Variants in ASIC2 observed in about 807,000 individuals in gnomAD.
The protein encoded by ASIC2 is acid sensing ion channel subunit 2, also known as acid-sensing ion channel 2.
ASIC2 carries 25 observed loss-of-function variants against 57.3 expected under a neutral mutation model. The ratio of observed to expected loss-of-function variants is 0.44; its 90% CI spans 0.32 to 0.61. The LOEUF (loss-of-function observed/expected upper bound fraction) is 0.61, where lower values mean the gene tolerates loss of function less well. Ranked by LOEUF, ASIC2 falls within the 20% of genes least tolerant of loss-of-function variation. The probability of loss-of-function intolerance (pLI) is 0.06; values close to 1 mark genes in which losing one functional copy is unlikely to be tolerated. For missense variants in ASIC2, 641 were observed against 738.1 expected, an observed-to-expected ratio of 0.87 and a Z score of 1.52; for synonymous variants, 319 against 307.5, an observed-to-expected ratio of 1.04 and a Z score of -0.39.
At chr17:33,396,761 A>C (rs1437693148) in intron 1 of ASIC2, among the ~76,000 whole-genome samples, 1 of 152,170 alleles carries the variant, frequency 6.6e-6, no homozygotes, top group Non-Finnish European at 1.5e-5. Flanking sequence ...TATAATCCTG[A>C]AAATATATCA....
chr17:33,579,700 G>A (rs185325700), intron 1 of ASIC2, among the ~76,000 whole-genome samples: 4 of 152,254 alleles, frequency 2.6e-5, no homozygotes, highest in Admixed American at 1.3e-4. Flanking sequence ...ACAGACCTTC[G>A]CAGCCAGCGT....
At chr17:33,650,420 A>G (rs1906882024) in intron 1 of ASIC2, among the ~76,000 whole-genome samples, 1 of 152,202 alleles carries the variant, frequency 6.6e-6, no homozygotes, top group Admixed American at 6.5e-5. Flanking sequence ...GAAAGTTGCA[A>G]TTTCTTAAAA....
intron 1 of ASIC2, chr17:34,155,465 C>G (rs372780227): frequency 1.2e-5 from 2 of 161,306 alleles, no homozygotes; most frequent in Admixed American, 6.2e-5. Flanking sequence ...CCAAAGCCAC[C>G]GGAGCCAGCC....
chr17:33,522,930 C>T (rs1914785324), intron 1 of ASIC2, among the ~76,000 whole-genome samples: 1 of 152,084 alleles, frequency 6.6e-6, no homozygotes, highest in African/African-American at 2.4e-5. Flanking sequence ...CCTGGCTCCC[C>T]CTACCCCACC....
chr17:33,296,636 T>C (rs933250761), upstream of ASIC2, among the ~76,000 whole-genome samples: 6 of 152,236 alleles, frequency 3.9e-5, no homozygotes, highest in Admixed American at 3.3e-4. Context: ...AGGAAAGTCT[T>C]CTGGCCAGCC....
chr17:33,585,240 G>GGCCACGAGCCAGGCAA (rs1904585186), intron 1 of ASIC2, among the ~76,000 whole-genome samples: 2 of 152,236 alleles, frequency 1.3e-5, no homozygotes, highest in Non-Finnish European at 2.9e-5. Context: ...GAGCCAGGCA[G>GGCCACGAGCCAGGCAA]GCCACGTGGC....
intron 1 of ASIC2, among the ~76,000 whole-genome samples, chr17:33,613,688 A>T (rs1170739751): frequency 1.3e-5 from 2 of 152,132 alleles, no homozygotes; most frequent in African/African-American, 4.8e-5. Context: ...TCTTATACAC[A>T]TACGGAAATG....
At chr17:33,097,104 GC>G (rs772912516) in intron 2 of ASIC2, among the ~76,000 whole-genome samples, 14 of 152,190 alleles carry the variant, frequency 9.2e-5, no homozygotes, top group Non-Finnish European at 1.8e-4. Context: ...TGTGCTTTTT[GC>G]CCCCTGCCAT....
chr17:33,131,367 C>T (rs1407218259), intron 1 of ASIC2, among the ~76,000 whole-genome samples: 1 of 152,290 alleles, frequency 6.6e-6, no homozygotes, highest in African/African-American at 2.4e-5. Context: ...CTGGATCCCT[C>T]CCCTCTCTCA....
At chr17:33,115,042 A>T (rs774598827) in intron 1 of ASIC2, among the ~76,000 whole-genome samples, 6 of 152,186 alleles carry the variant, frequency 3.9e-5, no homozygotes, top group Non-Finnish European at 8.8e-5. Flanking sequence ...AGAGGTCTTT[A>T]TAGTGGGAGT....
Position 33,024,033 on chromosome 17 carries a change from T to A in ASIC2, c.1196-19A>T, listed in dbSNP as rs1555563686. On this transcript the variant is annotated intron_variant, in intron 5 of 9. Transcript: ENST00000225823. ...AACAGACCTGGAGGGGAGAGTGAGGTGGGGCTTAGTCAGGTGTGGGCACTG... is the reference window on the plus strand; with the variant it reads ...AACAGACCTGGAGGGGAGAGTGAGGAGGGGCTTAGTCAGGTGTGGGCACTG... The A allele has an allele frequency of 2.5e-6, 4 of 1,613,426 alleles. No homozygotes were observed. The Admixed American group carries it at 6.7e-5, about 27-fold the overall frequency.
intron 1 of ASIC2, among the ~76,000 whole-genome samples, chr17:33,464,326 T>C (rs925463233): frequency 3.3e-5 from 5 of 152,246 alleles, no homozygotes; most frequent in East Asian, 1.9e-4. Context: ...ATTTGGATAA[T>C]ATAGTGTGTG....
At chr17:34,038,626 G>A (rs1183325221) in intron 1 of ASIC2, 14 of 1,596,050 alleles carry the variant, frequency 8.8e-6, no homozygotes, top group Non-Finnish European at 1.2e-5. Flanking sequence ...TTACTTCCCT[G>A]ATATGTAGTT....
At chr17:33,769,913 C>A (rs1911045764) in intron 1 of ASIC2, among the ~76,000 whole-genome samples, 1 of 152,180 alleles carries the variant, frequency 6.6e-6, no homozygotes, top group African/African-American at 2.4e-5. Context: ...GGACTCTAGT[C>A]CCATCAGGAG....
chr17:33,948,644 A>T (rs1362894206), intron 1 of ASIC2, among the ~76,000 whole-genome samples: 3 of 152,230 alleles, frequency 2.0e-5, no homozygotes, highest in Non-Finnish European at 2.9e-5. Context: ...CCTGGAATCC[A>T]AGAGCTGCCC....
chr17:33,454,944 C>T (rs146182514), intron 1 of ASIC2, among the ~76,000 whole-genome samples: 1 of 152,328 alleles, frequency 6.6e-6, no homozygotes, highest in East Asian at 1.9e-4. Context: ...GTCTCACCTT[C>T]TAATACTATC....
intron 1 of ASIC2, among the ~76,000 whole-genome samples, chr17:34,133,658 C>T (rs1245727830): frequency 6.6e-6 from 1 of 152,234 alleles, no homozygotes; most frequent in African/African-American, 2.4e-5. Flanking sequence ...CCAAGGAAAC[C>T]CACAGCTTCC....
chr17:33,577,874 C>T (rs1916684688), intron 1 of ASIC2, among the ~76,000 whole-genome samples: 1 of 152,148 alleles, frequency 6.6e-6, no homozygotes, highest in African/African-American at 2.4e-5. Context: ...AGAACCTTTC[C>T]AGTGGCAGCC....
At chr17:33,268,883 C>G (rs1326820654) in intron 1 of ASIC2, among the ~76,000 whole-genome samples, 1 of 152,210 alleles carries the variant, frequency 6.6e-6, no homozygotes, top group Non-Finnish European at 1.5e-5. Context: ...CCACCCCCAA[C>G]ACACTTGCTC....
Sources: allele counts gnomAD v4.1 joint callset (sites outside exome capture counted in the v4.1 genomes callset), GRCh38; gene constraint gnomAD v4.1.1; transcripts MANE v1.5; gene names NCBI Gene and HGNC (gene_info 2026-07-23, HGNC 2026-07-21).